The following ABTB3 variants were observed in gnomAD, a reference collection of about 807,000 sequenced individuals.
The protein encoded by ABTB3 is ankyrin repeat- and BTB/POZ domain-containing protein 3.
chr12:107,437,667 G>C, the ABTB3 span, among the ~76,000 whole-genome samples: 12 of 152,264 alleles, frequency 7.9e-5, no homozygotes, highest in African/African-American at 2.9e-4. Context: ...CTCCCAAAGT[G>C]CTGGAATCAC....
the ABTB3 span, among the ~76,000 whole-genome samples, chr12:107,330,850 C>T: frequency 6.6e-6 from 1 of 152,196 alleles, no homozygotes; most frequent in African/African-American, 2.4e-5. Context: ...ATGTGGAGGT[C>T]CCCATTACAT....
the ABTB3 span, among the ~76,000 whole-genome samples, chr12:107,330,484 G>T: frequency 0.18 from 26,863 of 152,104 alleles, 2,444 homozygotes; most frequent in East Asian, 0.2. Flanking sequence ...CAGAATTTAA[G>T]TCTGAGGGAC....
At chr12:107,375,252 A>G in the ABTB3 span, among the ~76,000 whole-genome samples, 1 of 152,118 alleles carries the variant, frequency 6.6e-6, no homozygotes, top group Non-Finnish European at 1.5e-5. Flanking sequence ...CCTTGTCTCT[A>G]CTAAAAATAC....
At chr12:107,653,820 T>G in the ABTB3 span, among the ~76,000 whole-genome samples, 1 of 152,260 alleles carries the variant, frequency 6.6e-6, no homozygotes, top group Non-Finnish European at 1.5e-5. Flanking sequence ...TTAACCATTT[T>G]TAAGTATACA....
the ABTB3 span, chr12:107,640,419 TATC>T: frequency 6.5e-6 from 10 of 1,529,250 alleles, no homozygotes; most frequent in Non-Finnish European, 8.9e-6. Context: ...CCAAGGTACG[TATC>T]ATCGGTTTTG....
the ABTB3 span, among the ~76,000 whole-genome samples, chr12:107,516,056 CGCACACACACACCAGGCTGTG>C: frequency 5.0e-5 from 3 of 59,836 alleles, no homozygotes; most frequent in Admixed American, 6.6e-4. Context: ...TGTGTGTGTG[CGCACACACACACCAGGCTGTG>C]ATATAAAATA....
At chr12:107,448,594 A>G in the ABTB3 span, among the ~76,000 whole-genome samples, 1 of 152,104 alleles carries the variant, frequency 6.6e-6, no homozygotes, top group Admixed American at 6.5e-5. Context: ...ATCCAGGAAG[A>G]GCATCTAAGC....
At chr12:107,493,797 G>A in the ABTB3 span, among the ~76,000 whole-genome samples, 1 of 152,172 alleles carries the variant, frequency 6.6e-6, no homozygotes, top group Non-Finnish European at 1.5e-5. Flanking sequence ...CGGAGATGAG[G>A]AGGATGCTTC....
chr12:107,319,663 G>A, the ABTB3 span: 1 of 1,536,880 alleles, frequency 6.5e-7, no homozygotes, highest in Admixed American at 1.9e-5. Flanking sequence ...CAGCCTGCAT[G>A]GAGAGCCTCT....
At chr12:107,471,418 G>A in the ABTB3 span, among the ~76,000 whole-genome samples, 1 of 152,198 alleles carries the variant, frequency 6.6e-6, no homozygotes, top group Non-Finnish European at 1.5e-5. Flanking sequence ...ATTGGGTACA[G>A]AAGTACAGGC....
At chr12:107,546,386 A>C in the ABTB3 span, among the ~76,000 whole-genome samples, 5 of 152,126 alleles carry the variant, frequency 3.3e-5, no homozygotes, top group Admixed American at 3.3e-4. Context: ...TGTTACCACC[A>C]TTGGCCTGGT....
At chr12:107,446,413 T>C in the ABTB3 span, among the ~76,000 whole-genome samples, 2 of 152,140 alleles carry the variant, frequency 1.3e-5, no homozygotes, top group African/African-American at 4.8e-5. Context: ...TCCATGCTGA[T>C]GGGGAGGGGG....
the ABTB3 span, among the ~76,000 whole-genome samples, chr12:107,630,584 T>C: frequency 2.0e-5 from 3 of 151,104 alleles, no homozygotes; most frequent in Non-Finnish European, 2.9e-5. Flanking sequence ...GCTGGGACCA[T>C]AGTCATACAC....
At chr12:107,634,813 A>C in the ABTB3 span, 1 of 152,296 alleles carries the variant, frequency 6.6e-6, no homozygotes, top group African/African-American at 2.4e-5. Context: ...AATCAAGTTC[A>C]CAAGAAAGCT....
the ABTB3 span, among the ~76,000 whole-genome samples, chr12:107,454,860 G>A: frequency 6.6e-6 from 1 of 152,096 alleles, no homozygotes; most frequent in East Asian, 1.9e-4. Context: ...ATAACAAATG[G>A]TGCTAATTAC....
At chr12:107,337,188 G>A in the ABTB3 span, among the ~76,000 whole-genome samples, 5 of 152,386 alleles carry the variant, frequency 3.3e-5, no homozygotes, top group East Asian at 3.9e-4. Context: ...GCTGTCTTCA[G>A]TCTGGGTATC....
At chr12:107,580,645 G>C in the ABTB3 span, 4 of 427,976 alleles carry the variant, frequency 9.3e-6, no homozygotes, top group East Asian at 1.4e-4. Flanking sequence ...CAGAGCTGAA[G>C]CCTGAAAGAG....
the ABTB3 span, among the ~76,000 whole-genome samples, chr12:107,453,067 A>G: frequency 6.6e-6 from 1 of 152,294 alleles, no homozygotes; most frequent in East Asian, 1.9e-4. Context: ...ATGGAACAGC[A>G]GAGGGAAAGG....
the ABTB3 span, among the ~76,000 whole-genome samples, chr12:107,334,245 C>G: frequency 6.6e-6 from 1 of 152,092 alleles, no homozygotes; most frequent in Non-Finnish European, 1.5e-5. Context: ...AGAGTGCAGG[C>G]AGGGAGACCA....
Sources: allele counts gnomAD v4.1 joint callset (sites outside exome capture counted in the v4.1 genomes callset), GRCh38; gene constraint gnomAD v4.1.1; transcripts MANE v1.5; gene names NCBI Gene and HGNC (gene_info 2026-07-23, HGNC 2026-07-21).